The following DNAH8 variants were observed in gnomAD, a reference collection of about 807,000 sequenced individuals.
DNAH8 encodes dynein axonemal heavy chain 8.
In DNAH8, 382 loss-of-function variants were observed where a neutral mutation model predicts 562.1. That is an observed-to-expected ratio of 0.68 (90% CI 0.63 to 0.74). DNAH8 has a LOEUF of 0.74. Among genes scored for constraint, DNAH8 ranks in the 30% least tolerant of loss-of-function variants. The probability of loss-of-function intolerance (pLI) is 0.00; values close to 1 mark genes in which losing one functional copy is unlikely to be tolerated. For missense variants in DNAH8, 5,203 were observed against 5,620.4 expected, an observed-to-expected ratio of 0.93 and a Z score of 2.37; for synonymous variants, 1,881 against 1,919.4, an observed-to-expected ratio of 0.98 and a Z score of 0.52.
chr6:39,030,184 C>G lies in DNAH8; in HGVS notation c.13916C>G (p.Pro4639Arg). The stretch of plus-strand genomic sequence containing the variant: ...AATGGGAAGCTCATGGAATCCACCC[C>G]CAAGGTACTCTTCACGCAGTTACCC... The part of the protein sequence containing the change: ...RRNGKLMEST[P>R]KVLFTQLPVL... Residue 4639 changes from proline to arginine, a missense_variant, in exon 93 of 93, where the codon CCC becomes CGC. Coordinates refer to ENST00000327475, the MANE Select transcript of DNAH8 (RefSeq NM_001206927.2). The G allele has an allele frequency of 1.2e-6, 2 of 1,614,132 alleles. No homozygotes were observed. Among genetic ancestry groups the G allele is most frequent in the Non-Finnish European group, 8.5e-7 (1 of 1,180,016 alleles).
In DNAH8 at chr6:38,921,393, C is replaced by T. The variant is rs368736066; in HGVS notation, c.10549C>T (p.Arg3517Trp). The change falls in exon 71 of 93, where the codon CGG (arginine) becomes TGG (tryptophan). Residue 3517 changes from arginine (R) to tryptophan (W), a missense_variant. Arg to Trp is a moderately radical substitution (Grantham distance 101). Around this residue, in one of 6 missense-constraint regions of DNAH8, gnomAD observed 1,399 missense variants for 1,518.4 expected, o/e 0.92. Transcript: ENST00000327475. Reference sequence around the variant, plus strand: ...GGCCAACCTGGCCAAGCAGGAAGGCCGGTTAGCAGTTGCTAATGCTGAGTT... The same window carrying T: ...GGCCAACCTGGCCAAGCAGGAAGGCTGGTTAGCAGTTGCTAATGCTGAGTT... ...LKANLAKQEGRLAVANAELGK... is the reference protein window; with the variant it reads ...LKANLAKQEGWLAVANAELGK... 1.9e-5 allele frequency: 31 copies of T among 1,613,402 alleles called. No homozygotes were observed. Among genetic ancestry groups the T allele is most frequent in the South Asian group, 4.4e-5 (4 of 90,970 alleles).
intron 22 of DNAH8, among the ~76,000 whole-genome samples, chr6:38,805,247 T>A (rs1421408993): frequency 3.9e-5 from 6 of 152,228 alleles, no homozygotes; most frequent in Non-Finnish European, 8.8e-5. Flanking sequence ...AATTCTAGAT[T>A]GTATATTTAC....
At chr6:38,730,120 T>C (rs1763550036) in intron 4 of DNAH8, 134 bp downstream of exon 4, 6 of 562,632 alleles carry the variant, frequency 1.1e-5, no homozygotes, top group East Asian at 8.9e-5. Context: ...ATAAGAAATA[T>C]AGTGTCTCAA....
At chr6:38,998,447 G>A (rs1464094664) in intron 88 of DNAH8, among the ~76,000 whole-genome samples, 2 of 152,014 alleles carry the variant, frequency 1.3e-5, no homozygotes, top group South Asian at 2.1e-4. Flanking sequence ...GGTTATGCAT[G>A]TTTCTTTACT....
At chr6:38,988,507 A>G (rs529269878) in intron 87 of DNAH8, among the ~76,000 whole-genome samples, 1 of 152,246 alleles carries the variant, frequency 6.6e-6, no homozygotes, top group South Asian at 2.1e-4. Context: ...AAAATCTAAT[A>G]TTTCTAAGTA....
At position 38,866,652 on chromosome 6, in the gene DNAH8, T is replaced by C. The variant is rs1777051105; in HGVS notation, c.6560T>C (p.Val2187Ala). The C allele has an allele frequency of 6.2e-6, 10 of 1,613,078 alleles. No homozygotes were observed. The highest frequency in any genetic ancestry group is 8.5e-6 in the Non-Finnish European group (10 of 1,179,690). ...PENLKIQFRT[V>A]AMMVPDRQII... Reference sequence around the variant, plus strand: ...AACCTAAAAATCCAGTTTAGAACTGTTGCTATGATGGTTCCTGATAGACAG... The same window carrying C: ...AACCTAAAAATCCAGTTTAGAACTGCTGCTATGATGGTTCCTGATAGACAG... Residue 2187 changes from valine to alanine, a missense_variant, in exon 46 of 93, where the codon GTT becomes GCT. Physicochemically the swap from Val to Ala is moderately conservative, Grantham distance 64. Around this residue, in one of 6 missense-constraint regions of DNAH8, gnomAD observed 2,176 missense variants for 2,365.1 expected, o/e 0.92. Transcript: ENST00000327475.
rs777590248 is a variant in DNAH8, at chr6:38,723,006, C to T, written c.197C>T (p.Pro66Leu). 3.7e-6 allele frequency: 6 copies of T among 1,612,728 alleles called. No individual in the cohort carries two copies. Among genetic ancestry groups the T allele is most frequent in the African/African-American group, 2.7e-5 (2 of 74,920 alleles). The change falls in exon 2 of 93, where the codon CCT becomes CTT. Residue 66 changes from proline (P) to leucine (L), a missense_variant. This residue lies in a region of DNAH8 where 556 missense variants were observed against 496.9 expected (regional missense o/e 1.12). Transcript: ENST00000327475. ...GTGGTGGATTATCGGGATCTCATTCCTTCTGAAGAAGGGATAGTTCTTCCA... is the reference window on the plus strand; with the variant it reads ...GTGGTGGATTATCGGGATCTCATTCTTTCTGAAGAAGGGATAGTTCTTCCA... Reference protein sequence around the residue: ...SSVVDYRDLIPSEEGIVLPDD... With the variant: ...SSVVDYRDLILSEEGIVLPDD...
At chr6:38,715,956 A>ATTTTTTTTTTTT (rs1562521493) in intron 1 of DNAH8, among the ~76,000 whole-genome samples, 14 of 27,028 alleles carry the variant, frequency 5.2e-4, no homozygotes, top group African/African-American at 1.2e-3. Flanking sequence ...ATATATATAT[A>ATTTTTTTTTTTT]TATATTTTTT....
intron 12 of DNAH8, among the ~76,000 whole-genome samples, chr6:38,774,248 A>G (rs1347154259): frequency 6.6e-6 from 1 of 152,108 alleles, no homozygotes; most frequent in African/African-American, 2.4e-5. Context: ...GAGAGCTGGT[A>G]TTGCTGGGGG....
Position 38,789,804 on chromosome 6 carries a change from G to T in DNAH8, c.2585G>T (p.Gly862Val), listed in dbSNP as rs1769527632. 3.1e-6 allele frequency: 5 copies of T among 1,604,116 alleles called. No individual in the cohort carries two copies. The highest frequency in any genetic ancestry group is 4.3e-6 in the Non-Finnish European group (5 of 1,175,142). ...KLKADKLYLQ[G>V]LLQYYDELCQ... ...ACATGCCATTTCAACTTCCTACAGG[G>T]TCTTCTGCAATATTATGATGAGTTA... Residue 862 changes from glycine (G) to valine (V), a missense_variant and splice_region_variant, in exon 19 of 93, where the codon GGT becomes GTT. Gly to Val is a moderately radical substitution (Grantham distance 109). Coordinates refer to ENST00000327475, the MANE Select transcript of DNAH8 (RefSeq NM_001206927.2).
At chr6:38,751,191 A>C (rs976272684) in intron 9 of DNAH8, among the ~76,000 whole-genome samples, 1 of 152,098 alleles carries the variant, frequency 6.6e-6, no homozygotes, top group Non-Finnish European at 1.5e-5. Context: ...TTCTCAGTTC[A>C]CTCATGTGGT....
intron 67 of DNAH8, among the ~76,000 whole-genome samples, chr6:38,914,325 A>T (rs913481722): frequency 2.6e-5 from 4 of 151,666 alleles, no homozygotes; most frequent in Admixed American, 6.6e-5. Context: ...TTTTTTTTAA[A>T]AGAAAGAAAG....
Position 38,770,514 on chromosome 6 carries a change from G to T in DNAH8, c.1719G>T (p.Met573Ile). ...AAAAATCTTTTGAGGTTTCAGAAAT[G>T]TATATATTTGGAAAATTTGAAGCTT... ...SGEKSFEVSEMYIFGKFEAFC... is the reference protein window; with the variant it reads ...SGEKSFEVSEIYIFGKFEAFC... The change falls in exon 12 of 93, where the codon ATG becomes ATT. Residue 573 changes from methionine (M) to isoleucine (I), a missense_variant. Transcript: ENST00000327475. 1 of 1,604,214 alleles carries T rather than the reference G, an allele frequency of 6.2e-7. No homozygotes were observed. Among genetic ancestry groups the T allele is most frequent in the Non-Finnish European group, 8.5e-7 (1 of 1,177,616 alleles).
chr6:38,842,991 G>T (rs1427514618), intron 35 of DNAH8, 88 bp downstream of exon 35: 3 of 1,436,610 alleles, frequency 2.1e-6, no homozygotes, highest in Non-Finnish European at 1.9e-6. Context: ...TTTTATGAGA[G>T]GTTGGACTAA....
At chr6:38,792,557 T>C (rs2127659045) in intron 21 of DNAH8, among the ~76,000 whole-genome samples, 1 of 152,296 alleles carries the variant, frequency 6.6e-6, no homozygotes, top group South Asian at 2.1e-4. Flanking sequence ...TCAAATCTGA[T>C]TGTGAAATGC....
intron 35 of DNAH8, among the ~76,000 whole-genome samples, chr6:38,844,754 A>G (rs1468685958): frequency 6.6e-6 from 1 of 151,954 alleles, no homozygotes; most frequent in African/African-American, 2.4e-5. Flanking sequence ...CTGTTACTGG[A>G]CTCACTGCCT....
intron 21 of DNAH8, among the ~76,000 whole-genome samples, chr6:38,802,039 C>T (rs1215890785): frequency 6.6e-6 from 1 of 151,812 alleles, no homozygotes; most frequent in Admixed American, 6.6e-5. Flanking sequence ...CTCAAGCAAT[C>T]CTCTTGCCTC....
chr6:38,779,620 A>G (rs1243941472), intron 14 of DNAH8, among the ~76,000 whole-genome samples: 2 of 152,198 alleles, frequency 1.3e-5, no homozygotes, highest in African/African-American at 4.8e-5. Context: ...TTGCTAAGCC[A>G]TCTCCTCACT....
At chr6:38,874,340 CTT>C (rs1777823331) in intron 52 of DNAH8, among the ~76,000 whole-genome samples, 2 of 126,360 alleles carry the variant, frequency 1.6e-5, no homozygotes, top group Non-Finnish European at 3.3e-5. Flanking sequence ...CTCTCTCTCT[CTT>C]CTTTTCTTTT....
Sources: allele counts gnomAD v4.1 joint callset (sites outside exome capture counted in the v4.1 genomes callset), GRCh38; gene constraint gnomAD v4.1.1; regional missense constraint gnomAD v4.1.1; transcripts MANE v1.5; gene names NCBI Gene and HGNC (gene_info 2026-07-23, HGNC 2026-07-21).